The following NAV2 variants were observed in gnomAD, a reference collection of about 807,000 sequenced individuals.
NAV2 encodes helicase, APC down-regulated 1.
A neutral mutation model predicts 223.2 loss-of-function variants in NAV2; 54 were observed. The ratio of observed to expected loss-of-function variants is 0.24; its 90% CI spans 0.19 to 0.30. NAV2 has a LOEUF of 0.30. Among genes scored for constraint, NAV2 ranks in the 10% least tolerant of loss-of-function variants. The pLI, the probability that NAV2 is intolerant of heterozygous loss-of-function variation, is 1.00. For missense variants in NAV2, 2,806 were observed against 3,147.5 expected (o/e 0.89, Z 2.60); for synonymous variants, 1,279 against 1,239.3 (o/e 1.03, Z -0.67).
At position 19,744,189 on chromosome 11, in the gene NAV2, T is replaced by G. The variant is rs545585107; in HGVS notation, c.267+30227T>G. 2.0e-5 allele frequency among the ~76,000 whole-genome samples: 3 copies of G among 152,344 alleles called. No individual in the cohort carries two copies. In the East Asian group the frequency reaches 5.8e-4, roughly 29 times the overall value. On this transcript the variant is annotated intron_variant, in intron 1 of 37. Transcript: ENST00000349880. ...TTGGTTTTAAACCCATACTTCTGCC[T>G]CTAGGGCTTGCCTTTGTGTAGTTTA...
chr11:20,027,148 T>C (rs945943225), intron 11 of NAV2: 5 of 450,308 alleles, frequency 1.1e-5, no homozygotes, highest in African/African-American at 1.1e-4. Flanking sequence ...GAGGAGATGA[T>C]GCTCCCGAGA....
intron 1 of NAV2, among the ~76,000 whole-genome samples, chr11:19,592,295 C>T (rs1258658876): frequency 6.6e-6 from 1 of 152,104 alleles, no homozygotes; most frequent in Non-Finnish European, 1.5e-5. Flanking sequence ...ATCAGGTTCT[C>T]TCTGCCTGGA....
intron 1 of NAV2, among the ~76,000 whole-genome samples, chr11:19,394,940 T>G (rs1564902666): frequency 6.6e-6 from 1 of 152,198 alleles, no homozygotes; most frequent in Non-Finnish European, 1.5e-5. Flanking sequence ...CAGTACATAA[T>G]CCCGTAAAGC....
chr11:19,551,744 A>AG (rs1418267751), intron 1 of NAV2, among the ~76,000 whole-genome samples: 1 of 150,620 alleles, frequency 6.6e-6, no homozygotes, highest in Admixed American at 6.6e-5. Context: ...GTGGGGGAAA[A>AG]AATGGTTAGT....
chr11:19,709,546 C>CAAAA (rs3043492), upstream of NAV2, among the ~76,000 whole-genome samples: 1 of 63,140 alleles, frequency 1.6e-5, no homozygotes, highest in African/African-American at 6.4e-5. Context: ...GACTCCGTCT[C>CAAAA]AAAAAAAAAA....
chr11:19,638,359 A>T (rs2047562876), intron 1 of NAV2, among the ~76,000 whole-genome samples: 1 of 152,228 alleles, frequency 6.6e-6, no homozygotes, highest in South Asian at 2.1e-4. Context: ...TACAAAAGCA[A>T]CCTTTGTGCT....
chr11:19,482,037 G>A (rs887169696), intron 1 of NAV2, among the ~76,000 whole-genome samples: 2 of 152,186 alleles, frequency 1.3e-5, no homozygotes, highest in African/African-American at 4.8e-5. Flanking sequence ...GATTCTTACT[G>A]CTTTTAACAA....
intron 6 of NAV2, among the ~76,000 whole-genome samples, chr11:19,930,927 A>C (rs938135811): frequency 4.6e-5 from 7 of 152,324 alleles, no homozygotes; most frequent in Admixed American, 3.3e-4. Context: ...AGCTAGTAGA[A>C]TGCGCAGTTC....
intron 1 of NAV2, among the ~76,000 whole-genome samples, chr11:19,417,113 A>G (rs569001769): frequency 9.2e-5 from 14 of 152,340 alleles, no homozygotes; most frequent in Admixed American, 2.0e-4. Context: ...AATTAAACTA[A>G]AGAGCTTCTG....
At chr11:19,656,634 CA>C (rs1321691500) in intron 1 of NAV2, among the ~76,000 whole-genome samples, 3 of 152,142 alleles carry the variant, frequency 2.0e-5, no homozygotes, top group Non-Finnish European at 2.9e-5. Flanking sequence ...AGAGTGGAGG[CA>C]GGGGGACTTG....
Position 19,933,140 on chromosome 11 carries a change from A to G in NAV2, c.932-36A>G, listed in dbSNP as rs1382901536. 2 of 1,483,406 alleles carry G rather than the reference A, an allele frequency of 1.3e-6. No homozygotes were observed. The highest frequency in any genetic ancestry group is 9.0e-7 in the Non-Finnish European group (1 of 1,114,566). 91.9% of individuals were successfully genotyped at this position (1,483,406 alleles called of 1,614,324 possible). On this transcript the variant is annotated intron_variant, in intron 6 of 37. Transcript: ENST00000349880. This position sits in a 1 kb window ranked among gnomAD's most constrained non-coding sequence, Gnocchi z 4.3. ...CCCTGGTCTTCAGTGCAGGTCAACA[A>G]GTATGATTCAGGCCTCCTCTCTTCT...
At chr11:19,832,908 CT>C (rs2060023761) in intron 2 of NAV2, among the ~76,000 whole-genome samples, 2 of 152,162 alleles carry the variant, frequency 1.3e-5, no homozygotes, top group African/African-American at 4.8e-5. Context: ...CTCCCATTAT[CT>C]TTCTGGCTCT....
chr11:19,382,251 C>A (rs905073813), intron 1 of NAV2, among the ~76,000 whole-genome samples: 3 of 152,156 alleles, frequency 2.0e-5, no homozygotes, highest in African/African-American at 7.2e-5. Context: ...TACAATGGGA[C>A]AGGAGGTGAG....
intron 10 of NAV2, among the ~76,000 whole-genome samples, chr11:19,974,138 T>G (rs1345417419): frequency 1.3e-5 from 2 of 152,210 alleles, no homozygotes; most frequent in East Asian, 3.8e-4. Flanking sequence ...TGTAGCCACA[T>G]TATAGTCAAC....
At chr11:19,371,573 G>A (rs1342153591) in intron 1 of NAV2, among the ~76,000 whole-genome samples, 2 of 152,138 alleles carry the variant, frequency 1.3e-5, no homozygotes, top group African/African-American at 4.8e-5. Context: ...AATTCTAGAA[G>A]AATGTAGGTA....
chr11:19,788,382 G>A (rs76562539), intron 1 of NAV2, among the ~76,000 whole-genome samples: 1 of 152,212 alleles, frequency 6.6e-6, no homozygotes, highest in African/African-American at 2.4e-5. Context: ...AGAGCTTGAG[G>A]CATCATCCTT....
chr11:19,360,110 G>C (rs1853847035), intron 1 of NAV2, among the ~76,000 whole-genome samples: 1 of 152,160 alleles, frequency 6.6e-6, no homozygotes, highest in South Asian at 2.1e-4. Context: ...ACTTCATTTA[G>C]GCTCCTTTGA....
chr11:19,378,490 C>T (rs983286010), intron 1 of NAV2, among the ~76,000 whole-genome samples: 1 of 152,080 alleles, frequency 6.6e-6, no homozygotes, highest in Non-Finnish European at 1.5e-5. Flanking sequence ...CTGATAGATG[C>T]CATGCACGGA....
At chr11:19,772,299 T>G (rs2055777329) in intron 1 of NAV2, among the ~76,000 whole-genome samples, 1 of 152,212 alleles carries the variant, frequency 6.6e-6, no homozygotes, top group Non-Finnish European at 1.5e-5. Flanking sequence ...ATGACAGTAA[T>G]GCAGACAACT....
Sources: gnomAD v4.1 joint callset for allele counts (sites outside exome capture counted in the v4.1 genomes callset) on GRCh38, gnomAD v4.1.1 for gene constraint, Gnocchi (gnomAD v3.1) non-coding constraint, MANE v1.5 for transcripts, NCBI Gene and HGNC (gene_info 2026-07-23, HGNC 2026-07-21) for gene names.